NMS: variants seen among roughly 807,000 people sequenced by gnomAD.
The protein encoded by NMS is neuromedin-S.
A neutral mutation model predicts 32.2 loss-of-function variants in NMS; 30 were observed. That is an observed-to-expected ratio of 0.93 (90% confidence interval 0.70 to 1.26). The LOEUF is 1.26. NMS is among the 50% of genes most tolerant of loss of function. The pLI is 0.00. For synonymous variants in NMS, 76 were observed against 58.5 expected (o/e 1.30, Z -1.37); for missense variants, 190 against 186.3 (o/e 1.02, Z -0.12).
chr2:100,473,615 G>A (rs1466822487), intron 3 of NMS, 76 bp downstream of exon 3: 1 of 457,784 alleles, frequency 2.2e-6, no homozygotes, highest in Non-Finnish European at 3.5e-6. Flanking sequence ...GCTACCTACA[G>A]GAGAATGCTG....
chr2:100,470,497 T>C lies in NMS; in HGVS notation c.9T>C (p.His3=), dbSNP rs771591187. The change falls in exon 1 of 10, where the codon CAT becomes CAC. Residue 3 remains histidine, a synonymous_variant. Coordinates refer to ENST00000376865, the MANE Select transcript of NMS (RefSeq NM_001011717.1). ...GAAACCAGACTCTCACAATGAAACA[T>C]CTTCGTCCCCAGTTCCCTCTCATCT... MK[H]LRPQFPLILA... The C allele has an allele frequency of 6.2e-7, 1 of 1,613,696 alleles. No homozygotes were observed. Among genetic ancestry groups the C allele is most frequent in the East Asian group, 2.2e-5 (1 of 44,872 alleles).
chr2:100,477,217 A>G (rs746160673), intron 3 of NMS, 27 bp from the exon 4 acceptor site: 3 of 1,609,142 alleles, frequency 1.9e-6, no homozygotes, highest in South Asian at 1.1e-5. Context: ...AATTTCATCT[A>G]ACTTACCCTC....
At chr2:100,478,526 G>C (rs1045753928) in intron 5 of NMS, among the ~76,000 whole-genome samples, 2 of 152,022 alleles carry the variant, frequency 1.3e-5, no homozygotes, top group Non-Finnish European at 2.9e-5. Context: ...GCAATGGCAC[G>C]ATCTCAGCTC....
At chr2:100,472,009 A>G (rs1024469294) in intron 1 of NMS, among the ~76,000 whole-genome samples, 6 of 152,238 alleles carry the variant, frequency 3.9e-5, no homozygotes, top group Non-Finnish European at 8.8e-5. Context: ...TTTGAATATA[A>G]CATAACATTG....
At chr2:100,481,457 A>G (rs1677213856) in intron 8 of NMS, among the ~76,000 whole-genome samples, 1 of 152,220 alleles carries the variant, frequency 6.6e-6, no homozygotes, top group Non-Finnish European at 1.5e-5. Flanking sequence ...GTTTTAGAGC[A>G]TTAAGGTCTA....
At chr2:100,480,416 G>T (rs1677194881) in intron 6 of NMS, 80 bp from the exon 7 acceptor site, 2 of 1,416,782 alleles carry the variant, frequency 1.4e-6, no homozygotes, top group African/African-American at 2.9e-5. Context: ...GCAAGGCAGG[G>T]AGGGCAGGAT....
At chr2:100,483,225 C>A in intron 9 of NMS, 27 bp from the exon 10 acceptor site, 1 of 1,606,036 alleles carries the variant, frequency 6.2e-7, no homozygotes, top group Non-Finnish European at 8.5e-7. Context: ...TTGAACTGAG[C>A]AGTGCATTTT....
chr2:100,477,964 AAT>A (rs912438705), intron 5 of NMS, among the ~76,000 whole-genome samples: 2 of 151,606 alleles, frequency 1.3e-5, no homozygotes. Flanking sequence ...GAGGCCATAG[AAT>A]ATATATATAT....
intron 1 of NMS, 59 bp from the exon 2 acceptor site, chr2:100,472,736 T>C: frequency 9.3e-7 from 1 of 1,077,906 alleles, no homozygotes; most frequent in Non-Finnish European, 1.4e-6. Flanking sequence ...ATAAAGACTT[T>C]GAAGTAAATG....
rs1025428137 is a variant in NMS at position 100,482,410 on chromosome 2, T to C, written c.449+99T>C. The stretch of plus-strand genomic sequence containing the variant: ...TGAGAGGCAGCCATGGGGAGGACCA[T>C]TGTTCAAGAAATGAGGACCCTTCAT... On this transcript the variant is annotated intron_variant, in intron 9 of 9. Coordinates refer to ENST00000376865, the MANE Select transcript of NMS (RefSeq NM_001011717.1). The C allele has an allele frequency of 6.9e-6, 8 of 1,162,624 alleles. No homozygotes were observed. The African/African-American group carries it at 7.6e-5, about 11-fold the overall frequency. 72.0% of individuals were successfully genotyped at this position (1,162,624 alleles called of 1,614,324 possible). A position where few individuals can be genotyped will look rare whatever the true frequency, so the allele number is the denominator to read the frequency against.
At position 100,477,253 on chromosome 2, in the gene NMS, G is replaced by C. The variant is rs774073665; in HGVS notation, c.193G>C (p.Asp65His). The C allele has an allele frequency of 6.2e-7, 1 of 1,613,530 alleles. No individual in the cohort carries two copies. Among genetic ancestry groups the C allele is most frequent in the Admixed American group, 1.7e-5 (1 of 60,002 alleles). Residue 65 changes from aspartate to histidine, a missense_variant, in exon 4 of 10, where the codon GAC becomes CAC. Coordinates refer to ENST00000376865, the MANE Select transcript of NMS (RefSeq NM_001011717.1). ...PLSRQPKDNQ[D>H]IYKRFLFHYS... Reference sequence around the variant, plus strand: ...ACAATTCTCTTTCCAGGATAATCAAGACATATACAAAAGGGTGAGTACCAC... The same window carrying C: ...ACAATTCTCTTTCCAGGATAATCAACACATATACAAAAGGGTGAGTACCAC...
chr2:100,478,125 C>T (rs1307041168), intron 5 of NMS, among the ~76,000 whole-genome samples: 3 of 152,114 alleles, frequency 2.0e-5, no homozygotes, highest in South Asian at 2.1e-4. Flanking sequence ...CCATGCCTGG[C>T]TAATGTTTGT....
rs774278535 is a variant in NMS at position 100,481,127 on chromosome 2, A to T, written c.374A>T (p.Asp125Val). The T allele has an allele frequency of 4.3e-6, 7 of 1,614,012 alleles. No homozygotes were observed. Among genetic ancestry groups the T allele is most frequent in the Non-Finnish European group, 5.1e-6 (6 of 1,179,988 alleles). The change falls in exon 8 of 10, where the codon GAT becomes GTT. Residue 125 changes from aspartate to valine, a missense_variant and splice_region_variant. Physicochemically the swap from Asp to Val is radical, Grantham distance 152. Transcript: ENST00000376865. ...GGCTTGTGTTTCTATATGTTGCAGG[A>T]TCACACTGCGACCTGGGGACGACCC... ...GTAAVDFTKK[D>V]HTATWGRPFF...
chr2:100,483,125 G>A, intron 9 of NMS, 127 bp from the exon 10 acceptor site: 2 of 777,886 alleles, frequency 2.6e-6, no homozygotes, highest in Non-Finnish European at 4.3e-6. Flanking sequence ...AAGCAACCTG[G>A]GCATTTATGA....
intron 8 of NMS, 145 bp from the exon 9 acceptor site, chr2:100,482,132 T>C (rs1030667820): frequency 3.9e-6 from 3 of 774,416 alleles, no homozygotes; most frequent in Non-Finnish European, 6.7e-6. Flanking sequence ...GGGCGAGGGC[T>C]TCCCAGGTGA....
chr2:100,481,187 C>T lies in NMS; in HGVS notation c.414+20C>T. 3 of 1,612,958 alleles carry T rather than the reference C, an allele frequency of 1.9e-6. No homozygotes were observed. Among genetic ancestry groups the T allele is most frequent in the East Asian group, 2.2e-5 (1 of 44,872 alleles). On this transcript the variant is annotated intron_variant, in intron 8 of 9. Coordinates refer to ENST00000376865, the MANE Select transcript of NMS (RefSeq NM_001011717.1). ...TTCAGGGTATAGCATGTTTTCTCAC[C>T]TTTGCTTTCTAACCTCGATTCACTG...
At position 100,481,222 on chromosome 2, in the gene NMS, C is replaced by T; in HGVS notation, c.414+55C>T. On this transcript the variant is annotated intron_variant, in intron 8 of 9. Transcript: ENST00000376865. Reference sequence around the variant, plus strand: ...TAACCTCGATTCACTGCAGCCATCCCAATCATGGAGTGACTGCAAACAGCA... The same window carrying T: ...TAACCTCGATTCACTGCAGCCATCCTAATCATGGAGTGACTGCAAACAGCA... 2.6e-6 allele frequency: 4 copies of T among 1,542,090 alleles called. No individual in the cohort carries two copies. In the African/African-American group the frequency reaches 5.4e-5, roughly 21 times the overall value.
At chr2:100,471,387 A>C (rs1677004183) in intron 1 of NMS, among the ~76,000 whole-genome samples, 1 of 152,166 alleles carries the variant, frequency 6.6e-6, no homozygotes, top group African/African-American at 2.4e-5. Context: ...TAATCACAAA[A>C]CTGGGCCTTG....
chr2:100,480,010 T>A (rs1447484061), intron 6 of NMS, among the ~76,000 whole-genome samples: 10 of 152,158 alleles, frequency 6.6e-5, no homozygotes, highest in Admixed American at 6.5e-4. Context: ...TTTCCTAGTT[T>A]TAGCTCTGAA....
Sources: gnomAD v4.1 joint callset for allele counts (sites outside exome capture counted in the v4.1 genomes callset) on GRCh38, gnomAD v4.1.1 for gene constraint, MANE v1.5 for transcripts, NCBI Gene and HGNC (gene_info 2026-07-23, HGNC 2026-07-21) for gene names.